Variants in PRMT7 observed in about 807,000 individuals in gnomAD.
PRMT7 encodes protein arginine N-methyltransferase 7.
Under a neutral mutation model 85.4 loss-of-function variants are expected in PRMT7, and 75 were observed. The ratio of observed to expected loss-of-function variants is 0.88; its 90% CI spans 0.73 to 1.06. The LOEUF is 1.06. Ranked by LOEUF, PRMT7 falls within the 50% of genes least tolerant of loss-of-function variation. The probability of loss-of-function intolerance (pLI) is 0.00; values close to 1 mark genes in which losing one functional copy is unlikely to be tolerated. For missense variants in PRMT7, 868 were observed against 915.2 expected (o/e 0.95, Z 0.67); for synonymous variants, 397 against 359.5 (o/e 1.10, Z -1.18).
chr16:68,313,345 CTT>C (rs745478706), intron 2 of PRMT7, among the ~76,000 whole-genome samples: 37 of 152,296 alleles, frequency 2.4e-4, no homozygotes, highest in Non-Finnish European at 4.4e-4. Flanking sequence ...AACGATGACT[CTT>C]AACCTTGAAG....
intron 12 of PRMT7, 93 bp from the exon 13 acceptor site, chr16:68,347,538 C>T (rs896034826): frequency 2.2e-6 from 3 of 1,386,026 alleles, no homozygotes; most frequent in South Asian, 1.2e-5. Flanking sequence ...CAGGTGTGTC[C>T]TCTGTCTTAG....
intron 4 of PRMT7, 183 bp downstream of exon 4, chr16:68,321,645 C>A: frequency 1.8e-6 from 1 of 542,438 alleles, no homozygotes; most frequent in South Asian, 2.9e-5. Context: ...GTTTAATCTC[C>A]CAGCTTTATC....
intron 14 of PRMT7, among the ~76,000 whole-genome samples, chr16:68,349,663 G>A (rs2086979396): frequency 6.6e-6 from 1 of 152,132 alleles, no homozygotes; most frequent in Admixed American, 6.5e-5. Flanking sequence ...GAAGGCCAAG[G>A]TGGGAGGATC....
chr16:68,313,218 A>AT (rs2044189756), intron 2 of PRMT7, among the ~76,000 whole-genome samples: 1 of 152,120 alleles, frequency 6.6e-6, no homozygotes, highest in Non-Finnish European at 1.5e-5. Context: ...GTTCTTCACT[A>AT]TAAGTTTTTT....
chr16:68,353,599 G>A (rs971638928), intron 16 of PRMT7, 33 bp downstream of exon 16: 15 of 1,509,208 alleles, frequency 9.9e-6, no homozygotes, highest in Non-Finnish European at 1.3e-5. Context: ...TAGTACCCCC[G>A]ACCTGCTCCT....
intron 11 of PRMT7, among the ~76,000 whole-genome samples, chr16:68,346,579 C>CTCT (rs1555565289): frequency 6.6e-6 from 1 of 151,434 alleles, no homozygotes; most frequent in African/African-American, 2.4e-5. Flanking sequence ...TTAGGCCACC[C>CTCT]CCTCTTTTCA....
intron 2 of PRMT7, among the ~76,000 whole-genome samples, chr16:68,314,590 GA>G (rs998381868): frequency 2.6e-5 from 4 of 151,898 alleles, no homozygotes; most frequent in Non-Finnish European, 4.4e-5. Context: ...AACTTCAAAA[GA>G]AAAAAAACTC....
rs1264093428 is a variant in PRMT7, at chr16:68,353,401, A to G, written c.1576-91A>G. The G allele has an allele frequency of 2.5e-6, 4 of 1,590,942 alleles. No individual in the cohort carries two copies. The Admixed American group carries it at 6.9e-5, about 28-fold the overall frequency. On this transcript the variant is annotated intron_variant, in intron 15 of 18. Transcript: ENST00000441236. Reference sequence around the variant, plus strand: ...ACTTGGGGGTCTCTTTCAGGTGTGCAGGGAACAGCAAGATGTGCCTCTTGT... The same window carrying G: ...ACTTGGGGGTCTCTTTCAGGTGTGCGGGGAACAGCAAGATGTGCCTCTTGT...
chr16:68,340,044 C>A, intron 9 of PRMT7, 76 bp downstream of exon 9: 1 of 1,420,360 alleles, frequency 7.0e-7, no homozygotes, highest in Non-Finnish European at 9.4e-7. Context: ...AACAGTTGAG[C>A]CTTGGACCCA....
Position 68,356,795 on chromosome 16 carries a change from G to C in PRMT7, c.1906G>C (p.Glu636Gln). 1 of 1,606,146 alleles carries C rather than the reference G, an allele frequency of 6.2e-7. No homozygotes were observed. Among genetic ancestry groups the C allele is most frequent in the South Asian group, 1.1e-5 (1 of 89,860 alleles). ...TGGCCTCCTGGAGCCTGCAGACCCCGAGGTAGTGCCTGCGCACCGGGCCCA... is the reference window on the plus strand; with the variant it reads ...TGGCCTCCTGGAGCCTGCAGACCCCCAGGTAGTGCCTGCGCACCGGGCCCA... ...STGLLEPADP[E>Q]GGCCWNPHCK... Residue 636 changes from glutamate (E) to glutamine (Q), a missense_variant and splice_region_variant, in exon 18 of 19, where the codon GAG becomes CAG. Glu to Gln is a conservative substitution (Grantham distance 29, BLOSUM62 2). Transcript: ENST00000441236.
chr16:68,330,130 G>T (rs2083656083), intron 6 of PRMT7, among the ~76,000 whole-genome samples: 1 of 152,098 alleles, frequency 6.6e-6, no homozygotes, highest in Non-Finnish European at 1.5e-5. Flanking sequence ...CTGACCTCAG[G>T]TGATCCGCCT....
At chr16:68,359,254 C>T (rs2089081452), downstream of PRMT7, 1 of 152,558 alleles carries the variant, frequency 6.6e-6, no homozygotes, top group Non-Finnish European at 1.5e-5. Flanking sequence ...AGAGTACCAG[C>T]TGCTTCTGGA....
rs2083511289 is a variant in PRMT7 at position 68,329,214 on chromosome 16, C to G, written c.391+40C>G. ...CCCTGTGTTGAAAGCTTTGCTTGCT[C>G]TTGTGTGAGAGAGGAAAAGGGTTAT... On this transcript the variant is annotated intron_variant, in intron 6 of 18. Coordinates refer to ENST00000441236, the MANE Select transcript of PRMT7 (RefSeq NM_019023.5). 2.8e-6 allele frequency: 4 copies of G among 1,445,844 alleles called. No homozygotes were observed. In the East Asian group the frequency reaches 9.2e-5, roughly 33 times the overall value. 89.6% of individuals were successfully genotyped at this position (1,445,844 alleles called of 1,614,324 possible).
At chr16:68,328,754 C>G (rs1429644491) in intron 5 of PRMT7, among the ~76,000 whole-genome samples, 1 of 152,072 alleles carries the variant, frequency 6.6e-6, no homozygotes, top group African/African-American at 2.4e-5. Context: ...CTCCCAGGTT[C>G]GTGAGGCAAG....
chr16:68,349,515 A>G (rs1024120115), intron 14 of PRMT7, among the ~76,000 whole-genome samples: 1 of 152,120 alleles, frequency 6.6e-6, no homozygotes, highest in African/African-American at 2.4e-5. Context: ...TAGTTGACAT[A>G]CCACAAAATT....
rs140975074 is a variant in PRMT7, at chr16:68,335,847, G to A, written c.392-1612G>A. 3.7e-3 allele frequency among the ~76,000 whole-genome samples: 556 copies of A among 151,398 alleles called. 2 individuals carry two copies. The highest frequency in any genetic ancestry group is 0.014 in the Middle Eastern group (4 of 294). ...ATTAGAGTGCAGTGGCGTGATCTCG[G>A]CTCACTGCAACCTCTGCCTCCCAGG... On this transcript the variant is annotated intron_variant, in intron 6 of 18. Transcript: ENST00000441236.
intron 3 of PRMT7, 149 bp downstream of exon 3, chr16:68,316,223 A>C (rs373299446): frequency 6.1e-6 from 4 of 654,274 alleles, no homozygotes; most frequent in Middle Eastern, 4.3e-4. Context: ...CTGCTCAGCC[A>C]GGTAGGTATA....
At chr16:68,345,634 T>C in intron 9 of PRMT7, 41 bp from the exon 10 acceptor site, 1 of 1,610,944 alleles carries the variant, frequency 6.2e-7, no homozygotes, top group Non-Finnish European at 8.5e-7. Flanking sequence ...GCATTGCTCA[T>C]ACTGCAGCTC....
chr16:68,311,353 AG>A, intron 1 of PRMT7: 1 of 293,794 alleles, frequency 3.4e-6, no homozygotes. Context: ...GCCTCCCCTC[AG>A]CCACAGAGAC....
Sources: allele counts gnomAD v4.1 joint callset (sites outside exome capture counted in the v4.1 genomes callset), GRCh38; gene constraint gnomAD v4.1.1; transcripts MANE v1.5; gene names NCBI Gene and HGNC (gene_info 2026-07-23, HGNC 2026-07-21).